Variants in TRPS1 observed in about 807,000 individuals in gnomAD.
TRPS1 encodes zinc finger transcription factor Trps1.
A neutral mutation model predicts 101.2 loss-of-function variants in TRPS1; 6 were observed. The observed-to-expected ratio is 0.06, with a 90% CI of 0.03 to 0.12. TRPS1 has a LOEUF of 0.12. Among genes scored for constraint, TRPS1 ranks in the 10% least tolerant of loss-of-function variants. The pLI, the probability that TRPS1 is intolerant of heterozygous loss-of-function variation, is 1.00. For synonymous variants in TRPS1, 578 were observed against 589.8 expected, an observed-to-expected ratio of 0.98 and a Z score of 0.29; for missense variants, 1,363 against 1,567.0, an observed-to-expected ratio of 0.87 and a Z score of 2.20.
intron 5 of TRPS1, among the ~76,000 whole-genome samples, chr8:115,481,594 T>A (rs1046343631): frequency 6.6e-6 from 1 of 152,196 alleles, no homozygotes; most frequent in Non-Finnish European, 1.5e-5. Flanking sequence ...ATTCTATTCA[T>A]TCTGAAATCT....
At chr8:115,636,370 A>G (rs1467876742) in intron 1 of TRPS1, among the ~76,000 whole-genome samples, 1 of 152,200 alleles carries the variant, frequency 6.6e-6, no homozygotes, top group East Asian at 1.9e-4. Flanking sequence ...AATGTCATAC[A>G]TACATTCTTC....
chr8:115,457,677 G>T (rs1302327335), intron 5 of TRPS1, among the ~76,000 whole-genome samples: 2 of 152,066 alleles, frequency 1.3e-5, no homozygotes, highest in Non-Finnish European at 2.9e-5. Flanking sequence ...TTACTTTAAA[G>T]GTTAAAAAAG....
intron 5 of TRPS1, among the ~76,000 whole-genome samples, chr8:115,423,557 A>AT (rs1180020002): frequency 2.0e-5 from 3 of 152,218 alleles, no homozygotes; most frequent in African/African-American, 7.2e-5. Context: ...ATCCAGTGTA[A>AT]TTTTTTCCTC....
intron 1 of TRPS1, among the ~76,000 whole-genome samples, chr8:115,640,796 G>A (rs1225520458): frequency 2.0e-5 from 3 of 152,162 alleles, no homozygotes; most frequent in South Asian, 2.1e-4. Flanking sequence ...AAACTGAAGC[G>A]CTGAAAACTA....
intron 5 of TRPS1, among the ~76,000 whole-genome samples, chr8:115,480,132 A>C (rs1814714998): frequency 6.6e-6 from 1 of 152,114 alleles, no homozygotes; most frequent in Non-Finnish European, 1.5e-5. Flanking sequence ...GATGACTGTG[A>C]AAGTCAGACA....
At chr8:115,428,968 A>G (rs1813254594) in intron 5 of TRPS1, among the ~76,000 whole-genome samples, 1 of 152,224 alleles carries the variant, frequency 6.6e-6, no homozygotes, top group Non-Finnish European at 1.5e-5. Context: ...GAAACCGACC[A>G]TGAGCAGATA....
At chr8:115,583,306 C>T (rs1037814111) in intron 5 of TRPS1, among the ~76,000 whole-genome samples, 19 of 151,946 alleles carry the variant, frequency 1.3e-4, no homozygotes, top group Middle Eastern at 3.5e-3. Context: ...TACAACTTTA[C>T]ATGAATGCTG....
intron 5 of TRPS1, among the ~76,000 whole-genome samples, chr8:115,518,393 T>C (rs557457691): frequency 6.6e-6 from 1 of 151,700 alleles, no homozygotes; most frequent in African/African-American, 2.4e-5. Flanking sequence ...AAAGCAAAAA[T>C]ACAAAAATGT....
chr8:115,652,955 T>C (rs967113698), intron 1 of TRPS1, among the ~76,000 whole-genome samples: 1 of 152,180 alleles, frequency 6.6e-6, no homozygotes, highest in Non-Finnish European at 1.5e-5. Context: ...GCAAATCCCT[T>C]AAGAGGTGGA....
At position 115,495,527 on chromosome 8, in the gene TRPS1, C is replaced by A. The variant is rs140102823; in HGVS notation, c.2701-77075G>T. Among the ~76,000 whole-genome samples, 56 of 150,644 alleles carry A rather than the reference C, an allele frequency of 3.7e-4. No individual in the cohort carries two copies. In the East Asian group the frequency reaches 0.011, roughly 29 times the overall value. ...TCATATATAAATTAGCCACTCACTG[C>A]ATCAGAATCCTTTTTCCTATTCCTA... is the stretch of plus-strand genomic sequence containing the variant. On this transcript the variant is annotated intron_variant, in intron 5 of 6. Coordinates refer to ENST00000395715, the MANE Select transcript of TRPS1 (RefSeq NM_014112.5).
intron 2 of TRPS1, among the ~76,000 whole-genome samples, chr8:115,622,704 G>A (rs772693284): frequency 6.6e-6 from 1 of 151,966 alleles, no homozygotes; most frequent in Non-Finnish European, 1.5e-5. Flanking sequence ...TCACCTAAAT[G>A]AAATGAATAA....
intron 1 of TRPS1, chr8:115,668,003 G>T (rs1811969401): frequency 3.0e-6 from 3 of 1,004,146 alleles, no homozygotes; most frequent in Non-Finnish European, 4.3e-6. Context: ...CGGTAGGAGA[G>T]AATTAAAATC....
At chr8:115,497,721 C>T (rs1309391622) in intron 5 of TRPS1, among the ~76,000 whole-genome samples, 2 of 152,128 alleles carry the variant, frequency 1.3e-5, no homozygotes, top group Non-Finnish European at 2.9e-5. Context: ...CCTCTACTTG[C>T]CCAATTTTTG....
intron 5 of TRPS1, among the ~76,000 whole-genome samples, chr8:115,501,256 T>C (rs978361092): frequency 1.8e-4 from 28 of 152,220 alleles, no homozygotes; most frequent in African/African-American, 6.8e-4. Flanking sequence ...AACACCTAGC[T>C]GAGCAGGCCC....
intron 5 of TRPS1, among the ~76,000 whole-genome samples, chr8:115,464,453 T>C (rs969547136): frequency 6.6e-6 from 1 of 152,116 alleles, no homozygotes; most frequent in Non-Finnish European, 1.5e-5. Context: ...TAGGAAACTG[T>C]CTGAAGTCTG....
intron 1 of TRPS1, among the ~76,000 whole-genome samples, chr8:115,636,848 G>T (rs1479806895): frequency 6.6e-6 from 1 of 151,754 alleles, no homozygotes; most frequent in Non-Finnish European, 1.5e-5. Flanking sequence ...GGAGGTGGGG[G>T]TTACAGTGAG....
chr8:115,456,765 C>T (rs553395840), intron 5 of TRPS1, among the ~76,000 whole-genome samples: 20 of 152,178 alleles, frequency 1.3e-4, no homozygotes, highest in South Asian at 4.1e-4. Context: ...CATGTATAGG[C>T]ATGCTTCTTC....
Position 115,491,652 on chromosome 8 carries a change from GGAAGAAAGAAA to G in TRPS1, c.2701-73211_2701-73201del, listed in dbSNP as rs370776599. On this transcript the variant is annotated intron_variant, in intron 5 of 6. Transcript: ENST00000395715. ...AAAGGAAAGAAAGGAAAGAAAGAAAGGAAGAAAGAAAGAAGAAAGAAAGAAAGGAAGAATGA... is the reference window on the plus strand; with the variant it reads ...AAAGGAAAGAAAGGAAAGAAAGAAAGGAAGAAAGAAAGAAAGGAAGAATGA... 1.4e-3 allele frequency among the ~76,000 whole-genome samples: 210 copies of G among 151,692 alleles called. 1 individual carries two copies. The highest frequency in any genetic ancestry group is 4.4e-3 in the African/African-American group (181 of 41,290).
At chr8:115,487,681 G>A (rs946853178) in intron 5 of TRPS1, among the ~76,000 whole-genome samples, 1 of 152,154 alleles carries the variant, frequency 6.6e-6, no homozygotes, top group Non-Finnish European at 1.5e-5. Flanking sequence ...TATAGATTTG[G>A]TGGAAATAGC....
Sources: gnomAD v4.1 joint callset for allele counts (sites outside exome capture counted in the v4.1 genomes callset) on GRCh38, gnomAD v4.1.1 for gene constraint, MANE v1.5 for transcripts, NCBI Gene and HGNC (gene_info 2026-07-23, HGNC 2026-07-21) for gene names.